SFMBT1: variants seen among roughly 807,000 people sequenced by gnomAD.
The protein encoded by SFMBT1 is scm-like with four MBT domains protein 1.
A neutral mutation model predicts 108.7 loss-of-function variants in SFMBT1; 32 were observed. That is an observed-to-expected ratio of 0.29 (90% CI 0.22 to 0.40). SFMBT1 has a LOEUF of 0.40. Ranked by LOEUF, SFMBT1 falls within the 10% of genes least tolerant of loss-of-function variation. SFMBT1 has a pLI of 1.00. For synonymous variants in SFMBT1, 348 were observed against 369.5 expected, an observed-to-expected ratio of 0.94 and a Z score of 0.67; for missense variants, 816 against 1,059.6, an observed-to-expected ratio of 0.77 and a Z score of 3.19.
intron 17 of SFMBT1, among the ~76,000 whole-genome samples, chr3:52,909,150 A>G (rs1366070518): frequency 6.6e-6 from 1 of 152,244 alleles, no homozygotes; most frequent in East Asian, 1.9e-4. Context: ...CAAATTACTA[A>G]CTGGGAAAAA....
At chr3:52,977,380 G>A (rs1258664241) in intron 1 of SFMBT1, among the ~76,000 whole-genome samples, 1 of 152,008 alleles carries the variant, frequency 6.6e-6, no homozygotes, top group Non-Finnish European at 1.5e-5. Flanking sequence ...GCCTAGTGGC[G>A]GGCGCCTGTA....
intron 14 of SFMBT1, 92 bp from the exon 15 acceptor site, chr3:52,913,709 T>C: frequency 1.5e-6 from 2 of 1,316,202 alleles, no homozygotes; most frequent in East Asian, 2.4e-5. Context: ...ACGAAGCACA[T>C]GTACCATTAT....
At position 52,906,258 on chromosome 3, in the gene SFMBT1, A is replaced by G. The variant is rs1471651909; in HGVS notation, c.2332-17T>C. 6.2e-7 allele frequency: 1 copy of G among 1,613,872 alleles called. No individual in the cohort carries two copies. Among genetic ancestry groups the G allele is most frequent in the Non-Finnish European group, 8.5e-7 (1 of 1,179,828 alleles). ...CCTTATTTCCTTCATTCCCCACAAC[A>G]CAATCAAACCAAATGGTGTTACGGC... On this transcript the variant is annotated splice_polypyrimidine_tract_variant and intron_variant, in intron 19 of 20. Coordinates refer to ENST00000394752, the MANE Select transcript of SFMBT1 (RefSeq NM_016329.4).
chr3:53,012,863 G>A (rs1274177255), intron 1 of SFMBT1, among the ~76,000 whole-genome samples: 2 of 151,606 alleles, frequency 1.3e-5, no homozygotes, highest in Non-Finnish European at 2.9e-5. Flanking sequence ...TCCATCACCA[G>A]CAAATCTAGT....
intron 3 of SFMBT1, among the ~76,000 whole-genome samples, chr3:52,947,369 G>A (rs893241295): frequency 7.5e-5 from 11 of 147,388 alleles, no homozygotes; most frequent in East Asian, 2.1e-4. Context: ...CGCCCGCCTC[G>A]GCCTCCCAAA....
At chr3:52,949,552 A>G (rs1200902073) in intron 3 of SFMBT1, among the ~76,000 whole-genome samples, 2 of 82,850 alleles carry the variant, frequency 2.4e-5, no homozygotes, top group Non-Finnish European at 5.1e-5. Context: ...CCCCTTTATT[A>G]TTATGTAATG....
At chr3:52,937,630 TGGA>T (rs1703055084) in intron 4 of SFMBT1, among the ~76,000 whole-genome samples, 1 of 152,046 alleles carries the variant, frequency 6.6e-6, no homozygotes, top group African/African-American at 2.4e-5. Flanking sequence ...TTGCCCAGGC[TGGA>T]GTGCAGTGGC....
intron 3 of SFMBT1, among the ~76,000 whole-genome samples, chr3:52,950,640 A>G (rs988537745): frequency 1.3e-5 from 2 of 151,982 alleles, no homozygotes; most frequent in African/African-American, 4.8e-5. Flanking sequence ...ATGCCTGTCT[A>G]ATTTTTGTAT....
chr3:52,931,533 AAAAAG>A (rs1702858896), intron 6 of SFMBT1, among the ~76,000 whole-genome samples: 1 of 152,040 alleles, frequency 6.6e-6, no homozygotes, highest in Non-Finnish European at 1.5e-5. Context: ...TAAAAGCAAT[AAAAAG>A]AAAAGAAAAG....
At chr3:52,986,431 A>G (rs1704917861) in intron 1 of SFMBT1, among the ~76,000 whole-genome samples, 1 of 152,096 alleles carries the variant, frequency 6.6e-6, no homozygotes, top group Non-Finnish European at 1.5e-5. Flanking sequence ...CTTTCTTGTA[A>G]TAACACATAG....
At chr3:53,010,254 C>T (rs766041067) in intron 1 of SFMBT1, among the ~76,000 whole-genome samples, 8 of 152,188 alleles carry the variant, frequency 5.3e-5, no homozygotes, top group Non-Finnish European at 7.3e-5. Flanking sequence ...GAGAGAACAA[C>T]CAGAAAGCTA....
chr3:52,983,503 T>C (rs984749725), intron 1 of SFMBT1, among the ~76,000 whole-genome samples: 3 of 152,148 alleles, frequency 2.0e-5, no homozygotes, highest in Non-Finnish European at 4.4e-5. Flanking sequence ...AAGGGTCAAC[T>C]ATAATATGTA....
intron 1 of SFMBT1, among the ~76,000 whole-genome samples, chr3:53,005,310 G>GT (rs1222598012): frequency 3.3e-5 from 5 of 152,108 alleles, no homozygotes; most frequent in African/African-American, 1.2e-4. Context: ...AGCCATGTGG[G>GT]TTTTTTTGTT....
intron 5 of SFMBT1, among the ~76,000 whole-genome samples, chr3:52,932,775 G>C (rs939310754): frequency 2.6e-5 from 4 of 152,120 alleles, no homozygotes; most frequent in African/African-American, 9.7e-5. Context: ...GTCGGGCATG[G>C]TGGTAGGCAC....
intron 1 of SFMBT1, among the ~76,000 whole-genome samples, chr3:52,977,146 C>G (rs1704545202): frequency 6.6e-6 from 1 of 152,148 alleles, no homozygotes; most frequent in Non-Finnish European, 1.5e-5. Context: ...TCAGGGCATA[C>G]ACAGAGAAAC....
intron 1 of SFMBT1, among the ~76,000 whole-genome samples, chr3:52,976,022 A>C (rs185710804): frequency 8.0e-4 from 122 of 152,346 alleles, no homozygotes; most frequent in South Asian, 3.9e-3. Context: ...AAAAAACAAA[A>C]AATAAAATGA....
intron 10 of SFMBT1, among the ~76,000 whole-genome samples, chr3:52,925,521 A>C (rs9847024): frequency 0.24 from 36,760 of 152,170 alleles, 4,789 homozygotes; most frequent in Admixed American, 0.37. Flanking sequence ...GAAGGTTTTT[A>C]TTTTGAAAAT....
chr3:52,929,645 T>A (rs1702798456), intron 8 of SFMBT1, among the ~76,000 whole-genome samples: 1 of 152,218 alleles, frequency 6.6e-6, no homozygotes, highest in Admixed American at 6.5e-5. Flanking sequence ...CTCCTTGCTT[T>A]GAGAATAATC....
In SFMBT1 at chr3:53,041,858, A is replaced by G. The variant is rs951681791; in HGVS notation, c.-131+3958T>C. 7.2e-5 allele frequency among the ~76,000 whole-genome samples: 11 copies of G among 152,280 alleles called. No individual in the cohort carries two copies. The East Asian group carries it at 1.7e-3, about 24-fold the overall frequency. The stretch of plus-strand genomic sequence containing the variant: ...TCCCCACACACTTTTATCCCATTTA[A>G]TAACTATGTATATACAGAAATATTA... On this transcript the variant is annotated intron_variant, in intron 1 of 20. Transcript: ENST00000394752.
Sources: gnomAD v4.1 joint callset for allele counts (sites outside exome capture counted in the v4.1 genomes callset) on GRCh38, gnomAD v4.1.1 for gene constraint, MANE v1.5 for transcripts, NCBI Gene and HGNC (gene_info 2026-07-23, HGNC 2026-07-21) for gene names.